TRAPPC8: variants seen among roughly 807,000 people sequenced by gnomAD.
TRAPPC8 encodes general sporulation gene 1 homolog.
Under a neutral mutation model 174.3 loss-of-function variants are expected in TRAPPC8, and 54 were observed. The ratio of observed to expected loss-of-function variants is 0.31; its 90% CI spans 0.25 to 0.39. The LOEUF is 0.39. TRAPPC8 is among the 10% of genes least tolerant of loss of function. The pLI, the probability that TRAPPC8 is intolerant of heterozygous loss-of-function variation, is 1.00. For synonymous variants in TRAPPC8, 630 were observed against 579.9 expected (o/e 1.09, Z -1.24); for missense variants, 1,531 against 1,699.1 (o/e 0.90, Z 1.74).
intron 11 of TRAPPC8, chr18:31,891,246 T>A (rs1445605868): frequency 6.6e-6 from 1 of 152,474 alleles, no homozygotes; most frequent in Non-Finnish European, 1.5e-5. Flanking sequence ...CCAATCGAAT[T>A]TCCTCTGAAA....
At chr18:31,927,168 C>G (rs777182057) in intron 2 of TRAPPC8, among the ~76,000 whole-genome samples, 7 of 152,114 alleles carry the variant, frequency 4.6e-5, no homozygotes, top group African/African-American at 1.7e-4. Context: ...AGTGCAGTTG[C>G]GCAATCACAG....
chr18:31,869,333 TAAAAC>T (rs1355403602), intron 16 of TRAPPC8, among the ~76,000 whole-genome samples: 4 of 152,048 alleles, frequency 2.6e-5, no homozygotes, highest in Non-Finnish European at 5.9e-5. Flanking sequence ...AAATGGAAAA[TAAAAC>T]AGTTAAGATG....
intron 18 of TRAPPC8, among the ~76,000 whole-genome samples, chr18:31,866,333 T>C (rs1046206369): frequency 3.9e-5 from 6 of 152,144 alleles, no homozygotes; most frequent in African/African-American, 1.4e-4. Context: ...CGTGTAGTTT[T>C]CCTCTTCAAA....
In TRAPPC8 at chr18:31,852,613, T is replaced by C. The variant is rs767165611; in HGVS notation, c.3484A>G (p.Arg1162Gly). The change falls in exon 23 of 29, where the codon AGA (arginine) becomes GGA (glycine). Residue 1162 changes from arginine (R) to glycine (G), a missense_variant. Transcript: ENST00000283351. ...EKGKFCFKAI[R>G]CEKEEAATQS... ...AATTTACCTTCTTCTTTCTCACATC[T>C]TATTGCCTTAAAGCAAAACTTTCCC... 6.2e-7 allele frequency: 1 copy of C among 1,614,046 alleles called. No homozygotes were observed. The highest frequency in any genetic ancestry group is 1.7e-5 in the Admixed American group (1 of 60,020).
intron 16 of TRAPPC8, among the ~76,000 whole-genome samples, chr18:31,869,665 GAAT>G (rs1342486149): frequency 6.6e-6 from 1 of 152,160 alleles, no homozygotes; most frequent in Non-Finnish European, 1.5e-5. Context: ...TCATATGATG[GAAT>G]ATTATGCAAA....
At chr18:31,902,765 T>C (rs908766294) in intron 9 of TRAPPC8, among the ~76,000 whole-genome samples, 5 of 152,032 alleles carry the variant, frequency 3.3e-5, no homozygotes, top group African/African-American at 7.2e-5. Flanking sequence ...AAATAGCCCC[T>C]ACTGGCCAGG....
intron 4 of TRAPPC8, 41 bp from the exon 5 acceptor site, chr18:31,913,563 G>C: frequency 6.7e-7 from 1 of 1,496,536 alleles, no homozygotes; most frequent in Non-Finnish European, 8.9e-7. Flanking sequence ...TAAAAGAGGA[G>C]CAGGCCTTAG....
rs59249203 is a variant in TRAPPC8, at chr18:31,937,366, C to A, written c.157+5242G>T. On this transcript the variant is annotated intron_variant, in intron 1 of 28. Coordinates refer to ENST00000283351, the MANE Select transcript of TRAPPC8 (RefSeq NM_014939.5). ...GCAGCATGGCAAAACCCCATTTCTA[C>A]AAAAACTACAAAAATTAGCCAGGTG... Among the ~76,000 whole-genome samples, 1,136 of 152,028 alleles carry A rather than the reference C, an allele frequency of 7.5e-3. 15 individuals are homozygous for A. Among genetic ancestry groups the A allele is most frequent in the African/African-American group, 0.026 (1,092 of 41,482 alleles).
At chr18:31,831,359 C>A (rs770956272) in intron 28 of TRAPPC8, among the ~76,000 whole-genome samples, 6 of 152,110 alleles carry the variant, frequency 3.9e-5, no homozygotes, top group Non-Finnish European at 7.4e-5. Context: ...AAGAAGAAAA[C>A]AAACATCCCT....
In TRAPPC8 at chr18:31,873,484, T is replaced by C. The variant is rs767016587; in HGVS notation, c.2008A>G (p.Ile670Val). 2.5e-6 allele frequency: 4 copies of C among 1,613,950 alleles called. No homozygotes were observed. The highest frequency in any genetic ancestry group is 4.5e-5 in the East Asian group (2 of 44,876). ...GPLPQLPLPY[I>V]NSSATRVFFG... ...AAAACCCGTGTTGCTGAACTGTTAA[T>C]ATACGGTAAAGGAAGCTGTGGCAAA... The change falls in exon 14 of 29, where the codon ATT (isoleucine) becomes GTT (valine). Residue 670 changes from isoleucine to valine, a missense_variant. Transcript: ENST00000283351.
At chr18:31,890,044 G>A (rs951637185) in intron 12 of TRAPPC8, among the ~76,000 whole-genome samples, 5 of 152,132 alleles carry the variant, frequency 3.3e-5, no homozygotes, top group African/African-American at 7.2e-5. Flanking sequence ...TCCTTAAGAC[G>A]TAAGACCATG....
rs150513755 is a variant in TRAPPC8 at position 31,916,477 on chromosome 18, G to A, written c.443-31C>T. On this transcript the variant is annotated intron_variant, in intron 3 of 28. Transcript: ENST00000283351. ...AAACCATATTATTAAGGTAATTATCGCTTATTACTCAATGATAAATATTGT... is the reference window on the plus strand; with the variant it reads ...AAACCATATTATTAAGGTAATTATCACTTATTACTCAATGATAAATATTGT... 2.7e-4 allele frequency: 426 copies of A among 1,562,926 alleles called. 3 individuals carry two copies. In the African/African-American group the frequency reaches 4.8e-3, roughly 18 times the overall value.
intron 21 of TRAPPC8, 75 bp downstream of exon 21, chr18:31,855,585 C>A: frequency 7.3e-7 from 1 of 1,370,064 alleles, no homozygotes; most frequent in Non-Finnish European, 9.9e-7. Flanking sequence ...TAAAGGAAAA[C>A]AAAAACCACT....
chr18:31,878,588 A>G (rs2035275737), intron 12 of TRAPPC8, among the ~76,000 whole-genome samples: 1 of 152,244 alleles, frequency 6.6e-6, no homozygotes. Flanking sequence ...CCTATAAGGC[A>G]GTTATACAAT....
chr18:31,901,816 C>T (rs989904390), intron 9 of TRAPPC8, among the ~76,000 whole-genome samples: 8 of 152,168 alleles, frequency 5.3e-5, no homozygotes, highest in Non-Finnish European at 8.8e-5. Flanking sequence ...TGGGCGTCTA[C>T]GTGAATGTTG....
At chr18:31,902,760 G>T (rs2145439664) in intron 9 of TRAPPC8, among the ~76,000 whole-genome samples, 1 of 152,120 alleles carries the variant, frequency 6.6e-6, no homozygotes, top group Admixed American at 6.5e-5. Flanking sequence ...TTTGAAAATA[G>T]CCCCTACTGG....
chr18:31,867,596 T>A, intron 16 of TRAPPC8, 120 bp from the exon 17 acceptor site: 3 of 666,488 alleles, frequency 4.5e-6, no homozygotes, highest in South Asian at 2.2e-5. Flanking sequence ...TACTTGGTTT[T>A]TACCACATGC....
At chr18:31,928,251 C>A (rs897300298) in intron 2 of TRAPPC8, among the ~76,000 whole-genome samples, 7 of 151,932 alleles carry the variant, frequency 4.6e-5, no homozygotes, top group Admixed American at 4.6e-4. Context: ...GTAATCCCAG[C>A]ACTTTGGGAG....
Position 31,887,614 on chromosome 18 carries a change from C to A in TRAPPC8, c.1728+3121G>T, listed in dbSNP as rs897589535. ...TGAGCCGAGATCACGCCATTGCACT[C>A]CAGCCTGGGCAACAGGAGCGAAACT... On this transcript the variant is annotated intron_variant, in intron 12 of 28. Transcript: ENST00000283351. Among the ~76,000 whole-genome samples the A allele has an allele frequency of 7.3e-5, 11 of 150,332 alleles. No individual in the cohort carries two copies. The East Asian group carries it at 2.1e-3, about 29-fold the overall frequency.
Sources: gnomAD v4.1 joint callset for allele counts (sites outside exome capture counted in the v4.1 genomes callset) on GRCh38, gnomAD v4.1.1 for gene constraint, MANE v1.5 for transcripts, NCBI Gene and HGNC (gene_info 2026-07-23, HGNC 2026-07-21) for gene names.